LRRTM3: variants seen among roughly 807,000 people sequenced by gnomAD.
LRRTM3 encodes leucine rich repeat transmembrane neuronal 3.
Under a neutral mutation model 44.7 loss-of-function variants are expected in LRRTM3, and 24 were observed. The ratio of observed to expected loss-of-function variants is 0.54; its 90% confidence interval spans 0.39 to 0.76. The LOEUF (loss-of-function observed/expected upper bound fraction) is 0.76, where lower values mean the gene tolerates loss of function less well. LRRTM3 is among the 30% of genes least tolerant of loss of function. LRRTM3 has a pLI of 0.00. For synonymous variants in LRRTM3, 277 were observed against 278.7 expected, an observed-to-expected ratio of 0.99 and a Z score of 0.06; for missense variants, 587 against 702.2, an observed-to-expected ratio of 0.84 and a Z score of 1.85.
chr10:66,990,482 G>A (rs534368195), intron 2 of LRRTM3, among the ~76,000 whole-genome samples: 5 of 152,250 alleles, frequency 3.3e-5, no homozygotes, highest in East Asian at 3.9e-4. Flanking sequence ...GTTTGCAGAC[G>A]GAACCTATTT....
chr10:67,087,214 T>C (rs1363987169), intron 2 of LRRTM3, among the ~76,000 whole-genome samples: 1 of 152,024 alleles, frequency 6.6e-6, no homozygotes, highest in Non-Finnish European at 1.5e-5. Flanking sequence ...ACATCACTTT[T>C]CATTGGCACT....
At chr10:67,055,193 T>C (rs1443081573) in intron 2 of LRRTM3, among the ~76,000 whole-genome samples, 1 of 152,170 alleles carries the variant, frequency 6.6e-6, no homozygotes, top group Non-Finnish European at 1.5e-5. Context: ...ATCTCAACTT[T>C]CCACATAAAA....
At chr10:67,054,113 C>T (rs1459690208) in intron 2 of LRRTM3, among the ~76,000 whole-genome samples, 1 of 152,078 alleles carries the variant, frequency 6.6e-6, no homozygotes, top group African/African-American at 2.4e-5. Context: ...TCCATCGCTC[C>T]TTTATAATTC....
At chr10:66,974,800 ATTTG>A (rs1849935831) in intron 2 of LRRTM3, among the ~76,000 whole-genome samples, 1 of 147,486 alleles carries the variant, frequency 6.8e-6, no homozygotes, top group African/African-American at 2.5e-5. Flanking sequence ...CTTACCAACC[ATTTG>A]TTTTTTTTTT....
chr10:67,026,871 A>G (rs1589625057), intron 2 of LRRTM3, among the ~76,000 whole-genome samples: 1 of 152,222 alleles, frequency 6.6e-6, no homozygotes, highest in South Asian at 2.1e-4. Flanking sequence ...TTTTCCTCAT[A>G]TATCTCCTTA....
intron 2 of LRRTM3, among the ~76,000 whole-genome samples, chr10:66,976,244 A>G (rs993089258): frequency 1.3e-5 from 2 of 152,206 alleles, no homozygotes; most frequent in African/African-American, 2.4e-5. Flanking sequence ...GTTGGAGAAC[A>G]TAGAAATGGA....
At chr10:66,939,851 A>G (rs1298670332) in intron 2 of LRRTM3, among the ~76,000 whole-genome samples, 3 of 152,172 alleles carry the variant, frequency 2.0e-5, no homozygotes, top group Non-Finnish European at 4.4e-5. Flanking sequence ...GAAATTCCAA[A>G]CTAATTTCAT....
intron 2 of LRRTM3, among the ~76,000 whole-genome samples, chr10:67,053,525 T>C (rs554987859): frequency 6.6e-6 from 1 of 152,288 alleles, no homozygotes; most frequent in East Asian, 1.9e-4. Context: ...AAGCTTGAAA[T>C]AGAGTTAGCA....
chr10:66,935,388 C>T (rs776287387), intron 2 of LRRTM3, among the ~76,000 whole-genome samples: 24 of 151,984 alleles, frequency 1.6e-4, no homozygotes, highest in African/African-American at 3.6e-4. Flanking sequence ...TAAAATTCAG[C>T]GCTTTGAGAT....
At chr10:67,062,510 T>C (rs1855818512) in intron 2 of LRRTM3, among the ~76,000 whole-genome samples, 2 of 152,172 alleles carry the variant, frequency 1.3e-5, no homozygotes, top group Admixed American at 1.3e-4. Flanking sequence ...TCTTTTTGGT[T>C]GAAAGTGTGT....
intron 2 of LRRTM3, among the ~76,000 whole-genome samples, chr10:67,073,802 A>C (rs1047162533): frequency 3.3e-5 from 5 of 152,220 alleles, no homozygotes; most frequent in African/African-American, 9.6e-5. Context: ...AGCATAATGA[A>C]AAGAACATTT....
chr10:66,974,635 G>C (rs891753888), intron 2 of LRRTM3, among the ~76,000 whole-genome samples: 2 of 152,110 alleles, frequency 1.3e-5, no homozygotes, highest in African/African-American at 4.8e-5. Context: ...TAATGTATAA[G>C]AGTTTCATTG....
At chr10:67,073,734 C>T (rs1056557001) in intron 2 of LRRTM3, among the ~76,000 whole-genome samples, 3 of 151,610 alleles carry the variant, frequency 2.0e-5, no homozygotes, top group African/African-American at 7.3e-5. Flanking sequence ...GACAGATAAA[C>T]AAAATAGAGA....
intron 2 of LRRTM3, among the ~76,000 whole-genome samples, chr10:67,014,039 AG>A (rs554243063): frequency 0.016 from 2,467 of 152,292 alleles, 83 homozygotes; most frequent in African/African-American, 0.055. Context: ...CAGAGACAAA[AG>A]GGGGAGTGTA....
intron 2 of LRRTM3, among the ~76,000 whole-genome samples, chr10:67,033,769 G>A (rs906974282): frequency 1.3e-5 from 2 of 151,938 alleles, no homozygotes; most frequent in African/African-American, 2.4e-5. Flanking sequence ...TTACTGTATA[G>A]TGTTTCTTTT....
chr10:66,973,497 A>G (rs988394078), intron 2 of LRRTM3, among the ~76,000 whole-genome samples: 1 of 152,222 alleles, frequency 6.6e-6, no homozygotes, highest in Admixed American at 6.5e-5. Context: ...GCAATTCTAT[A>G]TAGAAGACTT....
intron 2 of LRRTM3, among the ~76,000 whole-genome samples, chr10:67,056,379 C>T (rs1025071162): frequency 1.3e-5 from 2 of 152,128 alleles, no homozygotes; most frequent in African/African-American, 4.8e-5. Context: ...CAATGTAGGA[C>T]TGGATTACAG....
chr10:67,009,185 T>G (rs1352584799), intron 2 of LRRTM3, among the ~76,000 whole-genome samples: 3 of 152,138 alleles, frequency 2.0e-5, no homozygotes, highest in African/African-American at 7.2e-5. Context: ...AAGTCTTTAT[T>G]TCAGGAATTT....
At chr10:67,000,156 T>C (rs1173406801) in intron 2 of LRRTM3, among the ~76,000 whole-genome samples, 8 of 152,306 alleles carry the variant, frequency 5.3e-5, no homozygotes, top group Middle Eastern at 3.4e-3. Flanking sequence ...CTAGATCTGG[T>C]TTCCTGAAGA....
Sources: allele counts gnomAD v4.1 joint callset (sites outside exome capture counted in the v4.1 genomes callset), GRCh38; gene constraint gnomAD v4.1.1; transcripts MANE v1.5; gene names NCBI Gene and HGNC (gene_info 2026-07-23, HGNC 2026-07-21).